The following CDH26 variants were observed in gnomAD, a reference collection of about 807,000 sequenced individuals.
CDH26 encodes the protein cadherin-like protein 26.
CDH26 carries 83 observed loss-of-function variants against 90.3 expected under a neutral mutation model. The observed-to-expected ratio is 0.92, with a 90% CI of 0.77 to 1.10. CDH26 has a LOEUF of 1.10. CDH26 is among the 50% of genes least tolerant of loss of function. The pLI, the probability that CDH26 is intolerant of heterozygous loss-of-function variation, is 0.00. For synonymous variants in CDH26, 397 were observed against 396.3 expected (o/e 1.00, Z -0.02); for missense variants, 1,013 against 1,037.6 (o/e 0.98, Z 0.33).
In CDH26 at chr20:59,967,339, A is replaced by G. The variant is rs138641441; in HGVS notation, c.70-1628A>G. 1.3e-3 allele frequency among the ~76,000 whole-genome samples: 192 copies of G among 152,328 alleles called. 1 individual carries two copies. In the East Asian group the frequency reaches 0.034, roughly 27 times the overall value. ...TTCTCTATTTCTTTCTGTATGCTCAAAGCATTTTGCTATCAAATTTTCTTT... is the reference window on the plus strand; with the variant it reads ...TTCTCTATTTCTTTCTGTATGCTCAGAGCATTTTGCTATCAAATTTTCTTT... On this transcript the variant is annotated intron_variant, in intron 1 of 17. Transcript: ENST00000348616.
At chr20:60,028,439 A>C (rs1324944228) in intron 7 of CDH26, among the ~76,000 whole-genome samples, 1 of 152,208 alleles carries the variant, frequency 6.6e-6, no homozygotes, top group Non-Finnish European at 1.5e-5. Context: ...TGTAGTAGGC[A>C]CTCTATGTTT....
chr20:59,979,497 G>A (rs1044966457), intron 4 of CDH26, among the ~76,000 whole-genome samples: 14 of 150,528 alleles, frequency 9.3e-5, no homozygotes, highest in African/African-American at 3.4e-4. Context: ...GTGCCCAGCC[G>A]AGTTTGTTCT....
At chr20:59,960,272 T>G (rs1411760046) in intron 1 of CDH26, among the ~76,000 whole-genome samples, 1 of 152,142 alleles carries the variant, frequency 6.6e-6, no homozygotes, top group Non-Finnish European at 1.5e-5. Context: ...TTTCTTCACC[T>G]GAAAATGGAG....
rs780694659 is a variant in CDH26 at position 59,996,583 on chromosome 20, A to G, written c.1889-48A>G. On this transcript the variant is annotated intron_variant, in intron 12 of 17. Transcript: ENST00000348616. ...GAACAAGATCCTCATGAAACCTCTG[A>G]TATGGGTGAGCTTGTCTAATCTGTT... 2.5e-6 allele frequency: 4 copies of G among 1,614,088 alleles called. No homozygotes were observed. The Admixed American group carries it at 6.7e-5, about 27-fold the overall frequency.
chr20:59,999,637 G>A lies in CDH26; in HGVS notation c.2071G>A (p.Ala691Thr). The change falls in exon 14 of 18, where the codon GCA becomes ACA. Residue 691 changes from alanine to threonine, a missense_variant. Coordinates refer to ENST00000348616, the MANE Select transcript of CDH26 (RefSeq NM_177980.4). ...GCCGGCTCTGCTCATCTGCACAGCT[G>A]CAGCAGGACCCACGCAGGGAGTTAA... ...QRPALLICTA[A>T]AGPTQGVKDL... The A allele has an allele frequency of 6.2e-7, 1 of 1,614,128 alleles. No homozygotes were observed. The highest frequency in any genetic ancestry group is 8.5e-7 in the Non-Finnish European group (1 of 1,179,980).
chr20:59,982,758 C>T (rs1286168124), intron 4 of CDH26, among the ~76,000 whole-genome samples, 165 bp from the exon 5 acceptor site: 2 of 152,148 alleles, frequency 1.3e-5, no homozygotes, highest in Non-Finnish European at 2.9e-5. Context: ...ACTGTTCTTG[C>T]TCTCTGGGGT....
intron 1 of CDH26, among the ~76,000 whole-genome samples, chr20:59,968,037 CTCTCTCTCTCTCTCTG>C (rs1899386190): frequency 2.3e-5 from 3 of 129,068 alleles, no homozygotes; most frequent in Non-Finnish European, 4.6e-5. Context: ...CTCTCTCTCT[CTCTCTCTCTCTCTCTG>C]TCTCTCTCTC....
At chr20:60,022,582 A>G (rs1441743546) in intron 7 of CDH26, among the ~76,000 whole-genome samples, 1 of 152,224 alleles carries the variant, frequency 6.6e-6, no homozygotes, top group Non-Finnish European at 1.5e-5. Context: ...AAGTAGGCAT[A>G]GCAACGGTCC....
chr20:59,983,672 TTA>T, intron 5 of CDH26, among the ~76,000 whole-genome samples: 1 of 152,366 alleles, frequency 6.6e-6, no homozygotes, highest in East Asian at 1.9e-4. Flanking sequence ...TGTGTTAAAA[TTA>T]TATATGTGTA....
chr20:59,995,429 C>G (rs946394295), intron 11 of CDH26, among the ~76,000 whole-genome samples: 1 of 152,158 alleles, frequency 6.6e-6, no homozygotes, highest in Admixed American at 6.5e-5. Flanking sequence ...CTGCAGCATC[C>G]CATGTGTGCT....
exon 9 of CDH26, chr20:60,033,515 A>G (rs1601237830): frequency 7.7e-7 from 1 of 1,304,296 alleles, no homozygotes; most frequent in Non-Finnish European, 1.0e-6. Context: ...GAGAAAGCAA[A>G]GGAGCCACTT....
intron 9 of CDH26, among the ~76,000 whole-genome samples, chr20:59,991,333 A>T (rs1426497643): frequency 3.3e-5 from 5 of 152,160 alleles, no homozygotes; most frequent in African/African-American, 1.2e-4. Flanking sequence ...TAGCCTCAAT[A>T]TGGCTTTTTC....
At position 60,014,356 on chromosome 20, in the gene CDH26, T is replaced by C. The variant is rs2061886546; in HGVS notation, c.*1626T>C. 6.6e-6 allele frequency: 1 copy of C among 152,302 alleles called. No individual in the cohort carries two copies. The highest frequency in any genetic ancestry group is 6.5e-5 in the Admixed American group (1 of 15,300). The allele number at this position is 152,302 out of a possible 1,614,324, so 9.4% of individuals were successfully genotyped here. On this transcript the variant is annotated 3_prime_UTR_variant, in exon 18 of 18. Coordinates refer to ENST00000348616, the MANE Select transcript of CDH26 (RefSeq NM_177980.4). The stretch of plus-strand genomic sequence containing the variant: ...TAAAACTATGTATTATTGTTAACTA[T>C]AGGCAACATATAATGGTATAGAGTG...
chr20:60,021,248 AG>A (rs1174561417), intron 7 of CDH26, among the ~76,000 whole-genome samples: 9 of 152,224 alleles, frequency 5.9e-5, no homozygotes, highest in African/African-American at 2.2e-4. Context: ...TAGACCTTCT[AG>A]ATTTGCCTTA....
intron 1 of CDH26, among the ~76,000 whole-genome samples, chr20:59,962,567 T>A (rs2061090185): frequency 6.6e-6 from 1 of 152,224 alleles, no homozygotes; most frequent in African/African-American, 2.4e-5. Context: ...CAGTGTGACT[T>A]CATCTTAACT....
At chr20:60,015,742 G>A (rs1325926909), downstream of CDH26, among the ~76,000 whole-genome samples, 3 of 152,044 alleles carry the variant, frequency 2.0e-5, no homozygotes, top group Admixed American at 2.0e-4. Flanking sequence ...TCTTCCAATA[G>A]TCTTATAGTT....
chr20:60,014,733 G>A (rs1013379776), downstream of CDH26, among the ~76,000 whole-genome samples: 1 of 152,156 alleles, frequency 6.6e-6, no homozygotes, highest in Admixed American at 6.5e-5. Context: ...CCACATCTTG[G>A]CTATTGTGAA....
downstream of CDH26, among the ~76,000 whole-genome samples, chr20:60,016,930 G>T (rs1038332266): frequency 6.6e-6 from 1 of 151,924 alleles, no homozygotes; most frequent in African/African-American, 2.4e-5. Flanking sequence ...ACTGATTTGG[G>T]TATATGAAAG....
intron 14 of CDH26, among the ~76,000 whole-genome samples, chr20:60,000,712 G>A (rs2061665213): frequency 6.6e-6 from 1 of 152,168 alleles, no homozygotes; most frequent in African/African-American, 2.4e-5. Flanking sequence ...TCTAGGTTTT[G>A]GTGTATCTCT....
Sources: allele counts gnomAD v4.1 joint callset (sites outside exome capture counted in the v4.1 genomes callset), GRCh38; gene constraint gnomAD v4.1.1; transcripts MANE v1.5; gene names NCBI Gene and HGNC (gene_info 2026-07-23, HGNC 2026-07-21).